UNC5B: variants seen among roughly 807,000 people sequenced by gnomAD.
UNC5B encodes unc-5 netrin receptor B.
UNC5B carries 56 observed loss-of-function variants against 103.7 expected under a neutral mutation model. That is an observed-to-expected ratio of 0.54 (90% CI 0.44 to 0.67). UNC5B has a LOEUF of 0.67. UNC5B is among the 30% of genes least tolerant of loss of function. UNC5B has a pLI of 0.00. For missense variants in UNC5B, 1,194 were observed against 1,284.5 expected (o/e 0.93, Z 1.08); for synonymous variants, 577 against 542.0 (o/e 1.06, Z -0.90).
rs765132326 is a variant in UNC5B, at chr10:71,291,736, G to C, written c.1599G>C (p.Gln533His). 1.9e-5 allele frequency: 31 copies of C among 1,611,678 alleles called. 1 individual carries two copies. In the Middle Eastern group the frequency reaches 8.2e-4, roughly 43 times the overall value. Residue 533 changes from glutamine (Q) to histidine (H), a missense_variant, in exon 10 of 17, where the codon CAG (glutamine) becomes CAC (histidine). Coordinates refer to ENST00000335350, the MANE Select transcript of UNC5B (RefSeq NM_170744.5). ...HLRSASLGSQ[Q>H]LLGLPRDPGS... Reference sequence around the variant, plus strand: ...GCAGCGCCAGCCTCGGTTCCCAGCAGCTCTTGGGCCTGCCCCGAGACCCAG... The same window carrying C: ...GCAGCGCCAGCCTCGGTTCCCAGCACCTCTTGGGCCTGCCCCGAGACCCAG...
chr10:71,269,180 G>A (rs1371336311), intron 1 of UNC5B, among the ~76,000 whole-genome samples: 1 of 152,114 alleles, frequency 6.6e-6, no homozygotes, highest in East Asian at 1.9e-4. Context: ...AAAAAAGTCA[G>A]AGAGGATCAA....
At position 71,224,415 on chromosome 10, in the gene UNC5B, A is replaced by ACACACG. The variant is rs1354437814; in HGVS notation, c.79+11352_79+11353insACACGC. 2.3e-3 allele frequency among the ~76,000 whole-genome samples: 350 copies of ACACACG among 149,554 alleles called. 3 individuals carry two copies. The highest frequency in any genetic ancestry group is 8.1e-3 in the African/African-American group (327 of 40,176). ...CACACACACACACACACACACACACACGAAATGACAGCAGAAAAAGCCCCA... is the reference window on the plus strand; with the variant it reads ...CACACACACACACACACACACACACACACACGCGAAATGACAGCAGAAAAAGCCCCA... On this transcript the variant is annotated intron_variant, in intron 1 of 16. Transcript: ENST00000335350.
chr10:71,239,181 C>A (rs1298514125), intron 1 of UNC5B, among the ~76,000 whole-genome samples: 2 of 152,200 alleles, frequency 1.3e-5, no homozygotes, highest in African/African-American at 2.4e-5. Context: ...TGCCAGAAAA[C>A]CTCTCAGCTA....
chr10:71,243,166 C>G (rs1289566657), intron 1 of UNC5B, among the ~76,000 whole-genome samples: 1 of 152,178 alleles, frequency 6.6e-6, no homozygotes, highest in South Asian at 2.1e-4. Flanking sequence ...ACCCAGGAGG[C>G]GGAGGTTGCA....
chr10:71,270,241 T>G (rs186287436), intron 1 of UNC5B, among the ~76,000 whole-genome samples: 1 of 151,830 alleles, frequency 6.6e-6, no homozygotes, highest in East Asian at 1.9e-4. Context: ...TCTCAGATAC[T>G]TGGGAGGCTG....
intron 1 of UNC5B, among the ~76,000 whole-genome samples, chr10:71,249,894 T>A (rs1844134900): frequency 6.6e-6 from 1 of 152,200 alleles, no homozygotes; most frequent in African/African-American, 2.4e-5. Flanking sequence ...GATTTCCCTC[T>A]TCCCACTCCA....
At chr10:71,275,450 C>A (rs1844746852) in intron 1 of UNC5B, among the ~76,000 whole-genome samples, 2 of 152,202 alleles carry the variant, frequency 1.3e-5, no homozygotes, top group South Asian at 2.1e-4. Flanking sequence ...TGCCATCGAC[C>A]AGGTGACCCT....
chr10:71,226,798 A>G (rs1003898006), intron 1 of UNC5B, among the ~76,000 whole-genome samples: 2 of 152,258 alleles, frequency 1.3e-5, no homozygotes, highest in African/African-American at 4.8e-5. Context: ...AAACAAAATC[A>G]TATTATTATC....
chr10:71,247,842 G>A (rs1454662118), intron 1 of UNC5B, among the ~76,000 whole-genome samples: 2 of 152,168 alleles, frequency 1.3e-5, no homozygotes, highest in Non-Finnish European at 2.9e-5. Context: ...GGACCCAAGT[G>A]AAGTAAGGCT....
Position 71,302,025 on chromosome 10 carries a change from C to T in UNC5B, c.*2748C>T, listed in dbSNP as rs759291911. 2 of 152,250 alleles carry T rather than the reference C, an allele frequency of 1.3e-5. No individual in the cohort carries two copies. The highest frequency in any genetic ancestry group is 2.4e-5 in the African/African-American group (1 of 41,464). The allele number at this position is 152,250 out of a possible 1,614,324, so 9.4% of individuals were successfully genotyped here. A position where few individuals can be genotyped will look rare whatever the true frequency, so the allele number is the denominator to read the frequency against. On this transcript the variant is annotated 3_prime_UTR_variant, in exon 17 of 17. Coordinates refer to ENST00000335350, the MANE Select transcript of UNC5B (RefSeq NM_170744.5). ...TGCACCATGTCCTAGAGCACAGACCCATTGGCTGGAGCCTCCTGGGAGGGT... is the reference window on the plus strand; with the variant it reads ...TGCACCATGTCCTAGAGCACAGACCTATTGGCTGGAGCCTCCTGGGAGGGT...
chr10:71,283,049 G>A (rs1226312268), intron 2 of UNC5B, among the ~76,000 whole-genome samples: 2 of 152,168 alleles, frequency 1.3e-5, no homozygotes, highest in African/African-American at 4.8e-5. Flanking sequence ...GAACCCAGGA[G>A]GCGGAGGTTG....
intron 1 of UNC5B, among the ~76,000 whole-genome samples, chr10:71,262,409 G>T (rs559747773): frequency 2.6e-5 from 4 of 151,514 alleles, no homozygotes; most frequent in Admixed American, 2.0e-4. Context: ...ATTGTGGGGG[G>T]GCTGTCCTGG....
At chr10:71,271,234 A>T (rs1273354360) in intron 1 of UNC5B, among the ~76,000 whole-genome samples, 1 of 151,634 alleles carries the variant, frequency 6.6e-6, no homozygotes, top group Non-Finnish European at 1.5e-5. Flanking sequence ...ACGCCCTTTC[A>T]CTCTTCTGCC....
chr10:71,285,374 T>C lies in UNC5B; in HGVS notation c.497T>C (p.Leu166Pro), dbSNP rs1845046510. Reference sequence around the variant, plus strand: ...GAGCCTCTGGGCAAGGAGGTGCCCCTGGACCATGAGGTTCTCCTGCAGTGC... The same window carrying C: ...GAGCCTCTGGGCAAGGAGGTGCCCCCGGACCATGAGGTTCTCCTGCAGTGC... ...DQEPLGKEVP[L>P]DHEVLLQCRP... The change falls in exon 4 of 17, where the codon CTG becomes CCG. Residue 166 changes from leucine (L) to proline (P), a missense_variant. Transcript: ENST00000335350. The C allele has an allele frequency of 6.2e-7, 1 of 1,611,450 alleles. No homozygotes were observed. Among genetic ancestry groups the C allele is most frequent in the South Asian group, 1.1e-5 (1 of 90,254 alleles).
At chr10:71,218,320 T>G (rs563934966) in intron 1 of UNC5B, 10 of 151,418 alleles carry the variant, frequency 6.6e-5, no homozygotes, top group African/African-American at 2.5e-4. Flanking sequence ...GGCACACTTG[T>G]GGTGTGTTTG....
At chr10:71,296,522 A>G (rs1845416876) in intron 14 of UNC5B, 56 bp from the exon 15 acceptor site, 6 of 1,586,230 alleles carry the variant, frequency 3.8e-6, no homozygotes, top group Non-Finnish European at 1.7e-6. Context: ...CTCCATTTCT[A>G]TGAGGACAGG....
rs1198620424 is a variant in UNC5B at position 71,293,462 on chromosome 10, A to T, written c.1830A>T (p.Thr610=). Residue 610 remains threonine, a synonymous_variant, in exon 12 of 17, where the codon ACA becomes ACT. Coordinates refer to ENST00000335350, the MANE Select transcript of UNC5B (RefSeq NM_170744.5). Reference sequence around the variant, plus strand: ...GCCCCTCGGTGACCTGTGGACCCACAGGCCTCCTGCTGTGCCGCCCCGTCA... The same window carrying T: ...GCCCCTCGGTGACCTGTGGACCCACTGGCCTCCTGCTGTGCCGCCCCGTCA... ...VLSPSVTCGP[T]GLLLCRPVIL... is the part of the protein sequence containing the mutation. 1.9e-6 allele frequency: 3 copies of T among 1,613,986 alleles called. No homozygotes were observed. The highest frequency in any genetic ancestry group is 2.5e-6 in the Non-Finnish European group (3 of 1,180,014).
At chr10:71,270,245 G>A (rs565501124) in intron 1 of UNC5B, among the ~76,000 whole-genome samples, 23 of 151,868 alleles carry the variant, frequency 1.5e-4, no homozygotes, top group African/African-American at 5.1e-4. Flanking sequence ...AGATACTTGG[G>A]AGGCTGATGC....
chr10:71,219,184 C>G (rs1264134029), intron 1 of UNC5B, among the ~76,000 whole-genome samples: 4 of 152,052 alleles, frequency 2.6e-5, no homozygotes, highest in African/African-American at 7.3e-5. Context: ...CTTGTAAGAA[C>G]TCACCGAGAA....
Sources: gnomAD v4.1 joint callset for allele counts (sites outside exome capture counted in the v4.1 genomes callset) on GRCh38, gnomAD v4.1.1 for gene constraint, MANE v1.5 for transcripts, NCBI Gene and HGNC (gene_info 2026-07-23, HGNC 2026-07-21) for gene names.